SLC38A1: variants seen among roughly 807,000 people sequenced by gnomAD.
The protein encoded by SLC38A1 is solute carrier family 38 member 1.
Under a neutral mutation model 60.3 loss-of-function variants are expected in SLC38A1, and 18 were observed. The observed-to-expected ratio is 0.30, with a 90% CI of 0.21 to 0.44. SLC38A1 has a LOEUF of 0.44. Ranked by LOEUF, SLC38A1 falls within the 20% of genes least tolerant of loss-of-function variation. The pLI is 1.00. For synonymous variants in SLC38A1, 196 were observed against 212.1 expected, an observed-to-expected ratio of 0.92 and a Z score of 0.66; for missense variants, 448 against 587.2, an observed-to-expected ratio of 0.76 and a Z score of 2.45.
At chr12:46,233,841 C>T (rs1394637500) in intron 3 of SLC38A1, among the ~76,000 whole-genome samples, 1 of 152,196 alleles carries the variant, frequency 6.6e-6, no homozygotes, top group Non-Finnish European at 1.5e-5. Flanking sequence ...TCTTCACTGC[C>T]TCACCCACTG....
intron 5 of SLC38A1, among the ~76,000 whole-genome samples, chr12:46,218,934 T>G (rs1940536200): frequency 6.6e-6 from 1 of 152,178 alleles, no homozygotes; most frequent in Admixed American, 6.5e-5. Flanking sequence ...AGCTGATACA[T>G]GGAGTACAGC....
intron 3 of SLC38A1, among the ~76,000 whole-genome samples, chr12:46,236,786 C>T (rs533979817): frequency 3.9e-5 from 6 of 152,274 alleles, no homozygotes; most frequent in South Asian, 4.1e-4. Context: ...CAGTTATGGG[C>T]GTCACCTGGG....
At chr12:46,233,018 T>C (rs1941132620) in intron 3 of SLC38A1, among the ~76,000 whole-genome samples, 1 of 152,094 alleles carries the variant, frequency 6.6e-6, no homozygotes, top group African/African-American at 2.4e-5. Context: ...CTAATTTTAT[T>C]ATTATTATTA....
chr12:46,195,155 T>G (rs1034309218), intron 16 of SLC38A1, among the ~76,000 whole-genome samples: 16 of 152,344 alleles, frequency 1.1e-4, no homozygotes, highest in Middle Eastern at 6.8e-3. Flanking sequence ...TTGATGCTAT[T>G]GCTTTCTCTT....
intron 8 of SLC38A1, 54 bp downstream of exon 8, chr12:46,207,101 T>C (rs1338586923): frequency 1.7e-6 from 2 of 1,198,378 alleles, no homozygotes. Flanking sequence ...GATTGGCCCA[T>C]ATTTAAATTA....
In SLC38A1 at chr12:46,184,429, T is replaced by G. The variant is rs1398635572; in HGVS notation, c.*4541A>C. Reference sequence around the variant, plus strand: ...TGTAAACTTGAATGGGAGAATTATATTCTTAAAGTTTACACCCCCTATAAG... The same window carrying G: ...TGTAAACTTGAATGGGAGAATTATAGTCTTAAAGTTTACACCCCCTATAAG... On this transcript the variant is annotated 3_prime_UTR_variant, in exon 17 of 17. Coordinates refer to ENST00000398637, the MANE Select transcript of SLC38A1 (RefSeq NM_030674.4). The G allele has an allele frequency of 6.6e-6, 1 of 152,186 alleles. No individual in the cohort carries two copies. The highest frequency in any genetic ancestry group is 1.5e-5 in the Non-Finnish European group (1 of 68,032). 9.4% of individuals were successfully genotyped at this position (152,186 alleles called of 1,614,324 possible).
chr12:46,204,834 C>T lies in SLC38A1; in HGVS notation c.647-244G>A, dbSNP rs557934011. On this transcript the variant is annotated intron_variant, in intron 9 of 16. Coordinates refer to ENST00000398637, the MANE Select transcript of SLC38A1 (RefSeq NM_030674.4). ...GGCTCTGAATAGAAACATTATATTACGTGTTTTGATTCCAACTCTCCCTGG... is the reference window on the plus strand; with the variant it reads ...GGCTCTGAATAGAAACATTATATTATGTGTTTTGATTCCAACTCTCCCTGG... 8.5e-5 allele frequency among the ~76,000 whole-genome samples: 13 copies of T among 152,216 alleles called. No individual in the cohort carries two copies. The South Asian group carries it at 1.7e-3, about 19-fold the overall frequency.
intron 5 of SLC38A1, among the ~76,000 whole-genome samples, chr12:46,212,960 C>T (rs1940241041): frequency 6.6e-6 from 1 of 152,220 alleles, no homozygotes; most frequent in South Asian, 2.1e-4. Context: ...AACACCTCTC[C>T]TACCTAACAG....
chr12:46,261,732 T>C lies in SLC38A1; in HGVS notation c.-209+6794A>G, dbSNP rs549994156. On this transcript the variant is annotated intron_variant, in intron 1 of 16. Coordinates refer to ENST00000398637, the MANE Select transcript of SLC38A1 (RefSeq NM_030674.4). ...CTATATAAACGGAAGGTATTTATCA[T>C]TACTGTCCCAGCCACTATGCTTGGA... 1.4e-4 allele frequency among the ~76,000 whole-genome samples: 21 copies of C among 152,338 alleles called. 2 individuals are homozygous for C. The highest frequency in any genetic ancestry group is 5.1e-4 in the African/African-American group (21 of 41,568).
intron 3 of SLC38A1, 137 bp from the exon 4 acceptor site, chr12:46,229,776 A>G: frequency 1.4e-6 from 1 of 706,160 alleles, no homozygotes; most frequent in Non-Finnish European, 2.4e-6. Flanking sequence ...AGCCCTATTC[A>G]ACCACCAACT....
chr12:46,247,929 G>A (rs549621337), intron 1 of SLC38A1, among the ~76,000 whole-genome samples: 8 of 152,228 alleles, frequency 5.3e-5, no homozygotes, highest in Non-Finnish European at 7.4e-5. Flanking sequence ...CATATCCAGC[G>A]AAACTAAGCT....
In SLC38A1 at chr12:46,184,844, A is replaced by T. The variant is rs764931833; in HGVS notation, c.*4126T>A. On this transcript the variant is annotated 3_prime_UTR_variant, in exon 17 of 17. Coordinates refer to ENST00000398637, the MANE Select transcript of SLC38A1 (RefSeq NM_030674.4). The stretch of plus-strand genomic sequence containing the variant: ...CTCACTTTCATTTCCTCACAGCTTT[A>T]AAAAATAAAATATTATCATGCCTCA... The T allele has an allele frequency of 6.6e-6, 1 of 152,198 alleles. No homozygotes were observed. Among genetic ancestry groups the T allele is most frequent in the African/African-American group, 2.4e-5 (1 of 41,456 alleles). 9.4% of individuals were successfully genotyped at this position (152,198 alleles called of 1,614,324 possible). A position where few individuals can be genotyped will look rare whatever the true frequency, so the allele number is the denominator to read the frequency against.
At chr12:46,236,285 A>C (rs1048981221) in intron 3 of SLC38A1, among the ~76,000 whole-genome samples, 2 of 152,182 alleles carry the variant, frequency 1.3e-5, no homozygotes, top group African/African-American at 4.8e-5. Flanking sequence ...GAGCAGTAGG[A>C]TATAAATAAG....
chr12:46,232,913 C>A (rs909396508), intron 3 of SLC38A1, among the ~76,000 whole-genome samples: 36 of 152,174 alleles, frequency 2.4e-4, no homozygotes, highest in African/African-American at 8.2e-4. Flanking sequence ...GTTGTATTGT[C>A]AATTTGTGTT....
intron 5 of SLC38A1, among the ~76,000 whole-genome samples, chr12:46,224,502 G>A (rs964062665): frequency 6.6e-6 from 1 of 152,130 alleles, no homozygotes; most frequent in Non-Finnish European, 1.5e-5. Flanking sequence ...CTGCAGAGAA[G>A]GCTCCACACC....
chr12:46,192,034 T>G (rs1342650892), intron 16 of SLC38A1, among the ~76,000 whole-genome samples: 1 of 152,158 alleles, frequency 6.6e-6, no homozygotes, highest in African/African-American at 2.4e-5. Flanking sequence ...ATGCTTTCAG[T>G]TTTTGCCCAT....
chr12:46,210,105 C>T (rs921504157), intron 5 of SLC38A1, among the ~76,000 whole-genome samples: 3 of 152,198 alleles, frequency 2.0e-5, no homozygotes, highest in African/African-American at 7.2e-5. Context: ...GCCGTTCGCT[C>T]TGCGTGGGCT....
At chr12:46,228,252 A>G (rs1940942348) in intron 5 of SLC38A1, among the ~76,000 whole-genome samples, 1 of 152,192 alleles carries the variant, frequency 6.6e-6, no homozygotes, top group Admixed American at 6.5e-5. Flanking sequence ...GGAGTAATGG[A>G]ATGGGCAGTA....
intron 1 of SLC38A1, among the ~76,000 whole-genome samples, chr12:46,246,361 G>T (rs1164000604): frequency 6.6e-6 from 1 of 152,228 alleles, no homozygotes; most frequent in Non-Finnish European, 1.5e-5. Flanking sequence ...TGTATCCTGC[G>T]CCTGGATCGG....
Sources: allele counts gnomAD v4.1 joint callset (sites outside exome capture counted in the v4.1 genomes callset), GRCh38; gene constraint gnomAD v4.1.1; transcripts MANE v1.5; gene names NCBI Gene and HGNC (gene_info 2026-07-23, HGNC 2026-07-21).